VAC14: variants seen among roughly 807,000 people sequenced by gnomAD.
The protein encoded by VAC14 is VAC14 component of PIKFYVE complex.
VAC14 carries 47 observed loss-of-function variants against 85.3 expected under a neutral mutation model. That is an observed-to-expected ratio of 0.55 (90% confidence interval 0.44 to 0.70). VAC14 has a LOEUF of 0.70. VAC14 is among the 30% of genes least tolerant of loss of function. The pLI is 0.00. For synonymous variants in VAC14, 447 were observed against 430.5 expected, an observed-to-expected ratio of 1.04 and a Z score of -0.47; for missense variants, 861 against 1,004.3, an observed-to-expected ratio of 0.86 and a Z score of 1.93.
At chr16:70,743,356 A>C (rs908067138) in intron 13 of VAC14, among the ~76,000 whole-genome samples, 2 of 152,210 alleles carry the variant, frequency 1.3e-5, no homozygotes, top group African/African-American at 4.8e-5. Flanking sequence ...AAGGGAATAA[A>C]AGCTGGCCAC....
chr16:70,697,938 G>A (rs570493749), intron 15 of VAC14, among the ~76,000 whole-genome samples: 4 of 152,112 alleles, frequency 2.6e-5, no homozygotes, highest in Non-Finnish European at 4.4e-5. Context: ...AACCCCTGGA[G>A]TCCCTGCCTC....
chr16:70,755,491 C>A (rs1222443302), intron 12 of VAC14, among the ~76,000 whole-genome samples: 1 of 152,158 alleles, frequency 6.6e-6, no homozygotes, highest in African/African-American at 2.4e-5. Flanking sequence ...TGGAATCAGA[C>A]AGATTTGACT....
At chr16:70,723,861 G>T (rs2054355787) in intron 14 of VAC14, among the ~76,000 whole-genome samples, 1 of 152,232 alleles carries the variant, frequency 6.6e-6, no homozygotes, top group Admixed American at 6.5e-5. Flanking sequence ...ACCGAGGAGG[G>T]GAGCTTTCCC....
Position 70,690,556 on chromosome 16 carries a change from G to C in VAC14, c.2186+2265C>G, listed in dbSNP as rs527749422. 1.8e-3 allele frequency: 1,767 copies of C among 985,630 alleles called. 2 individuals carry two copies. Among genetic ancestry groups the C allele is most frequent in the Non-Finnish European group, 2.0e-3 (1,655 of 830,096 alleles). The allele number at this position is 985,630 out of a possible 1,614,324, so 61.1% of individuals were successfully genotyped here. ...TGGGGAGTGGCCCAGAAGCCAGGGG[G>C]TGGGGGAGCTGAGGTCCCCAGGGCC... is the stretch of plus-strand genomic sequence containing the variant. On this transcript the variant is annotated intron_variant, in intron 18 of 18. Transcript: ENST00000261776.
intron 18 of VAC14, chr16:70,691,513 A>G: frequency 1.0e-6 from 1 of 985,322 alleles, no homozygotes; most frequent in African/African-American, 1.7e-5. Context: ...CCAGGAACCC[A>G]CACATGCGCC....
intron 9 of VAC14, among the ~76,000 whole-genome samples, chr16:70,774,109 T>A (rs1369300461): frequency 5.9e-5 from 9 of 152,114 alleles, no homozygotes; most frequent in Non-Finnish European, 1.3e-4. Flanking sequence ...AAGGTTAACT[T>A]CGATACACTA....
At chr16:70,701,852 T>C (rs2053834871) in intron 14 of VAC14, among the ~76,000 whole-genome samples, 2 of 152,230 alleles carry the variant, frequency 1.3e-5, no homozygotes, top group African/African-American at 2.4e-5. Context: ...TTTTGGTTCC[T>C]GACCTCGCCA....
At chr16:70,759,458 C>G (rs763018203) in intron 12 of VAC14, among the ~76,000 whole-genome samples, 1 of 152,130 alleles carries the variant, frequency 6.6e-6, no homozygotes, top group South Asian at 2.1e-4. Flanking sequence ...GAAAGCCCGT[C>G]TCTACTAAAA....
intron 12 of VAC14, among the ~76,000 whole-genome samples, chr16:70,749,121 G>A (rs1307204889): frequency 2.0e-5 from 3 of 152,174 alleles, no homozygotes; most frequent in Admixed American, 6.5e-5. Context: ...CACGAAAAGC[G>A]GGCACACAAG....
At chr16:70,712,239 G>A (rs993283672) in intron 14 of VAC14, among the ~76,000 whole-genome samples, 3 of 152,082 alleles carry the variant, frequency 2.0e-5, no homozygotes, top group Non-Finnish European at 4.4e-5. Context: ...CAGACATGAG[G>A]CGTCCTTGGA....
intron 1 of VAC14, among the ~76,000 whole-genome samples, chr16:70,798,205 G>A (rs549279502): frequency 1.3e-5 from 2 of 152,238 alleles, no homozygotes; most frequent in South Asian, 2.1e-4. Flanking sequence ...ACCATGCCAC[G>A]CAGCCTCTCA....
chr16:70,785,688 A>G lies in VAC14; in HGVS notation c.423+14T>C. The G allele has an allele frequency of 6.5e-7, 1 of 1,547,076 alleles. No homozygotes were observed. The highest frequency in any genetic ancestry group is 8.7e-7 in the Non-Finnish European group (1 of 1,144,030). ...CAAGCGCAGCTCAGTGAGGAGGAGG[A>G]GGAGGGCGGTTACCTTGCTCAGCCC... On this transcript the variant is annotated intron_variant, in intron 3 of 18. Coordinates refer to ENST00000261776, the MANE Select transcript of VAC14 (RefSeq NM_018052.5).
chr16:70,762,620 A>C lies in VAC14; in HGVS notation c.1306-15T>G, dbSNP rs1273856455. 6.2e-7 allele frequency: 1 copy of C among 1,613,866 alleles called. No individual in the cohort carries two copies. Among genetic ancestry groups the C allele is most frequent in the South Asian group, 1.1e-5 (1 of 90,996 alleles). On this transcript the variant is annotated splice_polypyrimidine_tract_variant and intron_variant, in intron 11 of 18. Coordinates refer to ENST00000261776, the MANE Select transcript of VAC14 (RefSeq NM_018052.5). This position sits in a 1 kb window ranked among gnomAD's most constrained non-coding sequence, Gnocchi z 4.1. The stretch of plus-strand genomic sequence containing the variant: ...TGCCGGAACATCTGGAGGGCAGAGA[A>C]GCAGGGGTGCCCGTGAGTGCTCCCT...
intron 14 of VAC14, among the ~76,000 whole-genome samples, chr16:70,703,792 G>T (rs1405573039): frequency 6.6e-6 from 1 of 152,212 alleles, no homozygotes; most frequent in African/African-American, 2.4e-5. Flanking sequence ...TGAACTTCCC[G>T]GAGCCCAGCA....
intron 1 of VAC14, among the ~76,000 whole-genome samples, chr16:70,788,732 CG>C: frequency 6.6e-6 from 1 of 152,240 alleles, no homozygotes; most frequent in Non-Finnish European, 1.5e-5. Context: ...GCCTGCCATG[CG>C]GGCGGCCGGG....
chr16:70,732,448 C>G (rs2054619566), intron 13 of VAC14, among the ~76,000 whole-genome samples: 1 of 152,126 alleles, frequency 6.6e-6, no homozygotes, highest in African/African-American at 2.4e-5. Flanking sequence ...ACACACGCCC[C>G]TTGGTAAAGT....
At chr16:70,689,552 G>C (rs768389533) in intron 18 of VAC14, 1 of 985,472 alleles carries the variant, frequency 1.0e-6, no homozygotes. Context: ...GCCCGGAGGC[G>C]GCCTCCTGCA....
chr16:70,717,432 C>T (rs901869335), intron 14 of VAC14, among the ~76,000 whole-genome samples: 1 of 152,220 alleles, frequency 6.6e-6, no homozygotes. Flanking sequence ...CTGCACACTA[C>T]CTTTATTTTT....
chr16:70,745,706 T>A (rs2030825850), intron 12 of VAC14, among the ~76,000 whole-genome samples: 1 of 152,158 alleles, frequency 6.6e-6, no homozygotes, highest in Non-Finnish European at 1.5e-5. Flanking sequence ...CCCCAAAAGG[T>A]GTATCTCCAG....
Sources: gnomAD v4.1 joint callset for allele counts (sites outside exome capture counted in the v4.1 genomes callset) on GRCh38, gnomAD v4.1.1 for gene constraint, Gnocchi (gnomAD v3.1) non-coding constraint, MANE v1.5 for transcripts, NCBI Gene and HGNC (gene_info 2026-07-23, HGNC 2026-07-21) for gene names.